The following OR14I1 variants were observed in gnomAD, a reference collection of about 807,000 sequenced individuals.
OR14I1 encodes the protein olfactory receptor 14I1.
For synonymous variants in OR14I1, 118 were observed against 71.1 expected (o/e 1.66, Z -3.32); for missense variants, 279 against 181.8 (o/e 1.53, Z -3.07).
At chr1:248,680,214 T>A (rs1661534417), downstream of OR14I1, among the ~76,000 whole-genome samples, 1 of 152,182 alleles carries the variant, frequency 6.6e-6, no homozygotes, top group Non-Finnish European at 1.5e-5. Flanking sequence ...TAGTTAAAAA[T>A]GAGAAAAAAT....
chr1:248,686,990 C>T (rs1300212442), upstream of OR14I1, among the ~76,000 whole-genome samples: 1 of 152,320 alleles, frequency 6.6e-6, no homozygotes. Context: ...AGGAGATTGG[C>T]TTCCAGAAGG....
the OR14I1 span, among the ~76,000 whole-genome samples, chr1:248,688,189 A>G: frequency 6.6e-6 from 1 of 152,260 alleles, no homozygotes; most frequent in African/African-American, 2.4e-5. Context: ...TTGGACTTCC[A>G]GCTTAAATGC....
the OR14I1 span, among the ~76,000 whole-genome samples, chr1:248,689,042 A>G: frequency 6.4e-3 from 980 of 152,302 alleles, 8 homozygotes; most frequent in South Asian, 0.013. Flanking sequence ...TTCTTATGCA[A>G]AGGCCTGACT....
chr1:248,695,230 T>TTTTG, the OR14I1 span, among the ~76,000 whole-genome samples: 143 of 99,602 alleles, frequency 1.4e-3, 4 homozygotes, highest in African/African-American at 6.9e-3. Context: ...AATGTATGCT[T>TTTTG]TTTTTTTTTT....
the OR14I1 span, among the ~76,000 whole-genome samples, chr1:248,694,207 A>G: frequency 6.6e-6 from 1 of 152,232 alleles, no homozygotes; most frequent in East Asian, 1.9e-4. Flanking sequence ...CTTAGTGGTT[A>G]TGATTAGTAG....
At chr1:248,687,023 A>G (rs989164388), upstream of OR14I1, among the ~76,000 whole-genome samples, 3 of 152,222 alleles carry the variant, frequency 2.0e-5, no homozygotes, top group African/African-American at 7.2e-5. Context: ...CGCTGGTCTC[A>G]GGAGGATGCT....
At chr1:248,700,867 A>G in the OR14I1 span, among the ~76,000 whole-genome samples, 1 of 152,252 alleles carries the variant, frequency 6.6e-6, no homozygotes, top group African/African-American at 2.4e-5. Flanking sequence ...TTCTTTGCCA[A>G]TGCTCATTGG....
chr1:248,683,482 T>A (rs1260516685), upstream of OR14I1, among the ~76,000 whole-genome samples: 1 of 152,216 alleles, frequency 6.6e-6, no homozygotes, highest in Non-Finnish European at 1.5e-5. Flanking sequence ...AGTTGCCTTA[T>A]TTCATTAATG....
the OR14I1 span, among the ~76,000 whole-genome samples, chr1:248,694,732 A>G: frequency 6.6e-3 from 1,005 of 152,352 alleles, 17 homozygotes; most frequent in African/African-American, 0.023. Flanking sequence ...GTACAAATGC[A>G]TGTAGGAAAA....
the OR14I1 span, chr1:248,691,756 T>G: frequency 6.6e-6 from 1 of 152,354 alleles, no homozygotes; most frequent in African/African-American, 2.4e-5. Context: ...CCCTCCGGCC[T>G]AGCCCGGCCA....
downstream of OR14I1, among the ~76,000 whole-genome samples, chr1:248,680,598 G>A (rs532020874): frequency 4.6e-5 from 7 of 152,322 alleles, no homozygotes; most frequent in South Asian, 2.1e-4. Flanking sequence ...TGACAATGGC[G>A]ATGATGATAA....
At chr1:248,681,749 C>T (rs1283196559) in exon 1 of OR14I1, 1 of 781,060 alleles carries the variant, frequency 1.3e-6, no homozygotes, top group East Asian at 2.4e-5. Flanking sequence ...TCACAGGAAA[C>T]CAGGGCCAAC....
chr1:248,690,498 G>A, the OR14I1 span, among the ~76,000 whole-genome samples: 2 of 146,678 alleles, frequency 1.4e-5, no homozygotes, highest in Non-Finnish European at 3.0e-5. Context: ...ATAAATTCCT[G>A]GACACATACA....
At chr1:248,694,987 T>C in the OR14I1 span, among the ~76,000 whole-genome samples, 1 of 152,226 alleles carries the variant, frequency 6.6e-6, no homozygotes, top group Non-Finnish European at 1.5e-5. Context: ...AACTGAATTT[T>C]TAATTACATT....
chr1:248,683,099 C>T (rs1661591616), upstream of OR14I1, among the ~76,000 whole-genome samples: 1 of 152,048 alleles, frequency 6.6e-6, no homozygotes. Context: ...AAAACGGAGG[C>T]ATAACAAGAT....
chr1:248,686,718 C>T (rs563562259), upstream of OR14I1, among the ~76,000 whole-genome samples: 338 of 146,126 alleles, frequency 2.3e-3, 22 homozygotes, highest in African/African-American at 8.0e-3. Context: ...TAGACAAATT[C>T]AATTTCCTTA....
the OR14I1 span, among the ~76,000 whole-genome samples, chr1:248,694,628 T>C: frequency 2.6e-5 from 4 of 152,238 alleles, no homozygotes; most frequent in Non-Finnish European, 4.4e-5. Context: ...TATTCATCTC[T>C]GTTTCATGGA....
At chr1:248,692,865 G>T in the OR14I1 span, 124,760 of 152,194 alleles carry the variant, frequency 0.82, 51,675 homozygotes, top group Non-Finnish European at 0.88. Context: ...TGCCTGGCAT[G>T]TAATAAGCTC....
At chr1:248,688,327 A>G in the OR14I1 span, among the ~76,000 whole-genome samples, 1 of 152,236 alleles carries the variant, frequency 6.6e-6, no homozygotes, top group Non-Finnish European at 1.5e-5. Flanking sequence ...CAGAGTTTCC[A>G]GTGTTCTCTG....
Sources: allele counts gnomAD v4.1 joint callset (sites outside exome capture counted in the v4.1 genomes callset), GRCh38; gene constraint gnomAD v4.1.1; transcripts MANE v1.5; gene names NCBI Gene and HGNC (gene_info 2026-07-23, HGNC 2026-07-21).